TYK2: variants seen among roughly 807,000 people sequenced by gnomAD.
The protein encoded by TYK2 is non-receptor tyrosine-protein kinase TYK2.
In TYK2, 65 loss-of-function variants were observed where a neutral mutation model predicts 130.9. The ratio of observed to expected loss-of-function variants is 0.50; its 90% CI spans 0.41 to 0.61. TYK2 has a LOEUF of 0.61. Ranked by LOEUF, TYK2 falls within the 20% of genes least tolerant of loss-of-function variation. TYK2 has a pLI of 0.00. For missense variants in TYK2, 1,378 were observed against 1,610.7 expected (o/e 0.86, Z 2.47); for synonymous variants, 647 against 658.9 (o/e 0.98, Z 0.28).
At chr19:10,362,212 G>A in intron 11 of TYK2, 31 bp from the exon 12 acceptor site, 1 of 1,613,894 alleles carries the variant, frequency 6.2e-7, no homozygotes, top group Non-Finnish European at 8.5e-7. Flanking sequence ...ATGGAGGGCG[G>A]GCCTGGGGGA....
In TYK2 at chr19:10,352,970, G is replaced by A. The variant is rs755906787; in HGVS notation, c.3156C>T (p.His1052=). 2.6e-5 allele frequency: 41 copies of A among 1,606,740 alleles called. 1 individual carries two copies. The South Asian group carries it at 3.9e-4, about 15-fold the overall frequency. Residue 1052 remains histidine, a synonymous_variant, in exon 22 of 25, where the codon CAC becomes CAT. Coordinates refer to ENST00000525621, the MANE Select transcript of TYK2 (RefSeq NM_003331.5). ...CATCCTCGCGCACGCGGTAGTACTCGTGGCCTTCGGGCACGGCCTTGGCTA... is the reference window on the plus strand; with the variant it reads ...CATCCTCGCGCACGCGGTAGTACTCATGGCCTTCGGGCACGGCCTTGGCTA... ...FGLAKAVPEG[H]EYYRVREDGD...
rs368828208 is a variant in TYK2 at position 10,361,523 on chromosome 19, G to A, written c.2035C>T (p.Arg679Cys). ...GGGACCCACTCACTTTCAGGGCCGC[G>A]CACACAGACGCCATGCACGAAGGCC... ...HLAFVHGVCV[R>C]GPENIMVTEY... Residue 679 changes from arginine to cysteine, a missense_variant, in exon 14 of 25, where the codon CGC becomes TGC. Transcript: ENST00000525621. The surrounding 1 kb of genome is among the most constrained non-coding windows in gnomAD (Gnocchi z 4.0). The A allele has an allele frequency of 2.7e-5, 41 of 1,545,650 alleles. No homozygotes were observed. Among genetic ancestry groups the A allele is most frequent in the Admixed American group, 1.8e-4 (9 of 50,934 alleles).
At position 10,362,126 on chromosome 19, in the gene TYK2, G is replaced by A. The variant is rs763380863; in HGVS notation, c.1725C>T (p.Asn575=). The A allele has an allele frequency of 1.7e-5, 27 of 1,613,978 alleles. No homozygotes were observed. The highest frequency in any genetic ancestry group is 2.3e-5 in the Non-Finnish European group (27 of 1,180,018). Residue 575 remains asparagine, a synonymous_variant, in exon 12 of 25, where the codon AAC becomes AAT. Coordinates refer to ENST00000525621, the MANE Select transcript of TYK2 (RefSeq NM_003331.5). ...RGARASPRTL[N]LSQLSFHRVD... ...CCCGGTGGAAGCTGAGCTGGCTGAGGTTGAGTGTCCTGGGGCTGGCCCGAG... is the reference window on the plus strand; with the variant it reads ...CCCGGTGGAAGCTGAGCTGGCTGAGATTGAGTGTCCTGGGGCTGGCCCGAG...
chr19:10,377,292 A>C (rs2042152879), intron 3 of TYK2, among the ~76,000 whole-genome samples: 1 of 151,790 alleles, frequency 6.6e-6, no homozygotes, highest in Non-Finnish European at 1.5e-5. Flanking sequence ...GCCACACAGT[A>C]GATGCTTACA....
rs1599370160 is a variant in TYK2, at chr19:10,378,342, A to C, written c.65T>G (p.Met22Arg). 2.5e-6 allele frequency: 4 copies of C among 1,612,676 alleles called. No individual in the cohort carries two copies. Among genetic ancestry groups the C allele is most frequent in the Non-Finnish European group, 3.4e-6 (4 of 1,179,930 alleles). The stretch of plus-strand genomic sequence containing the variant: ...CACCTTCAGGCCTCCCATGGCAGCC[A>C]TGGGCTGGGCTCCATCCCCAACGGG... ...SKPVGDGAQP[M>R]AAMGGLKVLL... Residue 22 changes from methionine (M) to arginine (R), a missense_variant, in exon 3 of 25, where the codon ATG (methionine) becomes AGG (arginine). By Grantham distance (91) the Met-to-Arg change is moderately conservative. Coordinates refer to ENST00000525621, the MANE Select transcript of TYK2 (RefSeq NM_003331.5).
At chr19:10,372,478 A>ATCT (rs1485923076) in intron 3 of TYK2, among the ~76,000 whole-genome samples, 1 of 64,414 alleles carries the variant, frequency 1.6e-5, no homozygotes, top group African/African-American at 1.0e-4. Flanking sequence ...ATATATATAT[A>ATCT]TATATATTTT....
Position 10,354,252 on chromosome 19 carries a change from A to G in TYK2, c.2716-18T>C. On this transcript the variant is annotated intron_variant, in intron 19 of 24. Transcript: ENST00000525621. Reference sequence around the variant, plus strand: ...AAGTGACCCTGGTCGGGAGCGCACGAGGGTCAGCTCCACCTCCCCAATCCC... The same window carrying G: ...AAGTGACCCTGGTCGGGAGCGCACGGGGGTCAGCTCCACCTCCCCAATCCC... The G allele has an allele frequency of 1.2e-6, 2 of 1,608,862 alleles. No individual in the cohort carries two copies. The highest frequency in any genetic ancestry group is 1.7e-6 in the Non-Finnish European group (2 of 1,179,864).
rs748061804 is a variant in TYK2 at position 10,364,701 on chromosome 19, G to A, written c.1280C>T (p.Thr427Met). The A allele has an allele frequency of 9.3e-6, 15 of 1,613,564 alleles. No homozygotes were observed. The highest frequency in any genetic ancestry group is 1.2e-5 in the Non-Finnish European group (14 of 1,179,996). The change falls in exon 9 of 25, where the codon ACG (threonine) becomes ATG (methionine). Residue 427 changes from threonine (T) to methionine (M), a missense_variant. Coordinates refer to ENST00000525621, the MANE Select transcript of TYK2 (RefSeq NM_003331.5). This position sits in a 1 kb window ranked among gnomAD's most constrained non-coding sequence, Gnocchi z 4.9. ...GCACAGGTAGTGGCTGGAGTCGGCC[G>A]TCAGGCGGAAATAGCCGTCCACCAG... is the stretch of plus-strand genomic sequence containing the variant. The part of the protein sequence containing the change: ...VSLVDGYFRL[T>M]ADSSHYLCHE...
In TYK2 at chr19:10,368,204, T is replaced by C; in HGVS notation, c.318-2A>G. On this transcript the variant is annotated splice_acceptor_variant, in intron 4 of 24. Coordinates refer to ENST00000525621, the MANE Select transcript of TYK2 (RefSeq NM_003331.5). LOFTEE classifies it high-confidence loss of function. ...CCATGCCAGTTCCGGAAATAAAACC[T>C]GCAGGAAGGAGGGACGCAGCTGGGG... The C allele has an allele frequency of 1.9e-6, 3 of 1,614,096 alleles. No individual in the cohort carries two copies. Among genetic ancestry groups the C allele is most frequent in the Non-Finnish European group, 2.5e-6 (3 of 1,180,010 alleles).
At chr19:10,370,450 G>A (rs749475967) in intron 3 of TYK2, among the ~76,000 whole-genome samples, 12 of 151,338 alleles carry the variant, frequency 7.9e-5, no homozygotes, top group Non-Finnish European at 1.8e-4. Flanking sequence ...GGAGGTGGAG[G>A]GTGCAGTGAG....
rs1435747393 is a variant in TYK2 at position 10,361,222 on chromosome 19, T to A, written c.2047+289A>T. ...CAGATGGGGGCTGGACTGTAGAGGTTGTTTGGGAGGTTGATGGAAGTGGGG... is the reference window on the plus strand; with the variant it reads ...CAGATGGGGGCTGGACTGTAGAGGTAGTTTGGGAGGTTGATGGAAGTGGGG... On this transcript the variant is annotated intron_variant, in intron 14 of 24. Transcript: ENST00000525621. The surrounding 1 kb of genome is among the most constrained non-coding windows in gnomAD (Gnocchi z 4.0). 3.5e-6 allele frequency: 2 copies of A among 575,492 alleles called. No individual in the cohort carries two copies. 35.6% of individuals were successfully genotyped at this position (575,492 alleles called of 1,614,324 possible). A position where few individuals can be genotyped will look rare whatever the true frequency, so the allele number is the denominator to read the frequency against.
chr19:10,371,886 A>G (rs1311909784), intron 3 of TYK2, among the ~76,000 whole-genome samples: 1 of 152,158 alleles, frequency 6.6e-6, no homozygotes, highest in Non-Finnish European at 1.5e-5. Context: ...AGGCGGCTCT[A>G]AACATTCTCA....
intron 5 of TYK2, 69 bp downstream of exon 5, chr19:10,367,986 G>GA: frequency 6.4e-7 from 1 of 1,572,728 alleles, no homozygotes; most frequent in East Asian, 2.2e-5. Context: ...ATCAGGGAGG[G>GA]AAATGGGGGC....
intron 9 of TYK2, 103 bp from the exon 10 acceptor site, chr19:10,362,760 C>T (rs1234879422): frequency 2.0e-6 from 2 of 1,008,718 alleles, no homozygotes; most frequent in Non-Finnish European, 1.5e-6. Context: ...ACACACACAG[C>T]TAGGACAAGT....
chr19:10,363,061 A>C (rs1017047970), intron 9 of TYK2, among the ~76,000 whole-genome samples: 1 of 151,968 alleles, frequency 6.6e-6, no homozygotes, highest in Non-Finnish European at 1.5e-5. Flanking sequence ...TTTTTAGTAC[A>C]GAGGGGGTTT....
chr19:10,367,262 A>C (rs1019364589), intron 5 of TYK2, among the ~76,000 whole-genome samples: 3 of 151,802 alleles, frequency 2.0e-5, no homozygotes, highest in Admixed American at 2.0e-4. Flanking sequence ...CACAGCATAC[A>C]CCCCTCCTCT....
chr19:10,368,479 C>G (rs569522301), intron 3 of TYK2, 61 bp from the exon 4 acceptor site: 3 of 1,609,168 alleles, frequency 1.9e-6, no homozygotes, highest in African/African-American at 2.7e-5. Flanking sequence ...GCCCCAAAGA[C>G]CCCCCAGACC....
chr19:10,353,489 A>G lies in TYK2; in HGVS notation c.3027+39T>C. 1 of 1,408,526 alleles carries G rather than the reference A, an allele frequency of 7.1e-7. No homozygotes were observed. Among genetic ancestry groups the G allele is most frequent in the Non-Finnish European group, 9.5e-7 (1 of 1,053,520 alleles). 87.3% of individuals were successfully genotyped at this position (1,408,526 alleles called of 1,614,324 possible). A position where few individuals can be genotyped will look rare whatever the true frequency, so the allele number is the denominator to read the frequency against. On this transcript the variant is annotated intron_variant, in intron 21 of 24. Coordinates refer to ENST00000525621, the MANE Select transcript of TYK2 (RefSeq NM_003331.5). This position sits in a 1 kb window ranked among gnomAD's most constrained non-coding sequence, Gnocchi z 6.9. ...CTCAGGCCAGCCCAAGCTGAAGAGG[A>G]AGGGGCAAGCTCCAGAAGCAGGGGC...
chr19:10,366,384 C>A, intron 6 of TYK2, 33 bp downstream of exon 6: 1 of 1,603,406 alleles, frequency 6.2e-7, no homozygotes, highest in Non-Finnish European at 8.5e-7. Context: ...TTTCCCCCTG[C>A]CTACACAGCG....
Sources: allele counts gnomAD v4.1 joint callset (sites outside exome capture counted in the v4.1 genomes callset), GRCh38; gene constraint gnomAD v4.1.1; non-coding constraint Gnocchi (gnomAD v3.1); transcripts MANE v1.5; gene names NCBI Gene and HGNC (gene_info 2026-07-23, HGNC 2026-07-21).